The following KIAA0232 variants were observed in gnomAD, a reference collection of about 807,000 sequenced individuals.
KIAA0232 encodes uncharacterized protein KIAA0232.
Under a neutral mutation model 122.0 loss-of-function variants are expected in KIAA0232, and 27 were observed. The ratio of observed to expected loss-of-function variants is 0.22; its 90% CI spans 0.16 to 0.31. The LOEUF is 0.31. Among genes scored for constraint, KIAA0232 ranks in the 10% least tolerant of loss-of-function variants. KIAA0232 has a pLI of 1.00. For synonymous variants in KIAA0232, 613 were observed against 587.6 expected, an observed-to-expected ratio of 1.04 and a Z score of -0.63; for missense variants, 1,551 against 1,634.2, an observed-to-expected ratio of 0.95 and a Z score of 0.88.
intron 3 of KIAA0232, among the ~76,000 whole-genome samples, chr4:6,838,483 G>A (rs1719468056): frequency 6.6e-6 from 1 of 152,078 alleles, no homozygotes; most frequent in African/African-American, 2.4e-5. Context: ...GCCACCATAT[G>A]CCCCACCTAA....
At chr4:6,826,963 T>C (rs939606897) in intron 3 of KIAA0232, among the ~76,000 whole-genome samples, 12 of 152,148 alleles carry the variant, frequency 7.9e-5, no homozygotes, top group Non-Finnish European at 1.2e-4. Context: ...TAAGATGAAC[T>C]ATCAGTATCT....
intron 2 of KIAA0232, among the ~76,000 whole-genome samples, chr4:6,816,878 G>C (rs1416557710): frequency 1.3e-5 from 2 of 151,950 alleles, no homozygotes; most frequent in Non-Finnish European, 2.9e-5. Flanking sequence ...GAATTTATTG[G>C]TATAAAGTTT....
chr4:6,866,344 A>T, intron 7 of KIAA0232: 1 of 397,370 alleles, frequency 2.5e-6, no homozygotes, highest in Non-Finnish European at 3.4e-6. Context: ...CCCAGAGGAC[A>T]TTTTGGGATT....
At position 6,829,511 on chromosome 4, in the gene KIAA0232, C is replaced by G. The variant is rs566999285; in HGVS notation, c.231+4827C>G. Among the ~76,000 whole-genome samples, 6 of 152,314 alleles carry G rather than the reference C, an allele frequency of 3.9e-5. No individual in the cohort carries two copies. In the South Asian group the frequency reaches 1.2e-3, roughly 32 times the overall value. On this transcript the variant is annotated intron_variant, in intron 3 of 9. Transcript: ENST00000307659. ...CCTTCCATCTTTTAAAAATCAGTAG[C>G]CTGGTCACATAAGGAACATCACAGC...
chr4:6,845,061 G>A (rs1560189101), intron 4 of KIAA0232, among the ~76,000 whole-genome samples: 1 of 152,146 alleles, frequency 6.6e-6, no homozygotes, highest in East Asian at 1.9e-4. Context: ...CCAAACTCTG[G>A]TTTTCTCTGC....
At chr4:6,865,547 T>G (rs892462847) in intron 7 of KIAA0232, among the ~76,000 whole-genome samples, 2 of 152,220 alleles carry the variant, frequency 1.3e-5, no homozygotes, top group African/African-American at 2.4e-5. Context: ...GTGATCCACC[T>G]GCCTTGGCCT....
In KIAA0232 at chr4:6,882,520, T is replaced by C. The variant is rs1266945636; in HGVS notation, c.*1554T>C. Reference sequence around the variant, plus strand: ...AAAGACTGTGGAGTCATTGAGGGTCTGTGTGTCCTCACCGAGAGGGACCTG... The same window carrying C: ...AAAGACTGTGGAGTCATTGAGGGTCCGTGTGTCCTCACCGAGAGGGACCTG... On this transcript the variant is annotated 3_prime_UTR_variant, in exon 10 of 10. Coordinates refer to ENST00000307659, the MANE Select transcript of KIAA0232 (RefSeq NM_014743.3). The C allele has an allele frequency of 6.6e-6, 1 of 152,182 alleles. No individual in the cohort carries two copies. The highest frequency in any genetic ancestry group is 1.5e-5 in the Non-Finnish European group (1 of 68,020). 9.4% of individuals were successfully genotyped at this position (152,182 alleles called of 1,614,324 possible).
At chr4:6,806,134 A>G (rs1234647541) in intron 2 of KIAA0232, among the ~76,000 whole-genome samples, 1 of 152,178 alleles carries the variant, frequency 6.6e-6, no homozygotes, top group Non-Finnish European at 1.5e-5. Flanking sequence ...TGCTAGGTAA[A>G]AAAGGCATTT....
At chr4:6,786,917 T>C (rs1560156761) in intron 1 of KIAA0232, among the ~76,000 whole-genome samples, 1 of 152,122 alleles carries the variant, frequency 6.6e-6, no homozygotes. Context: ...GCGCGGTGGC[T>C]CACGCCTGTA....
At chr4:6,786,995 A>G (rs1332167312) in intron 1 of KIAA0232, among the ~76,000 whole-genome samples, 1 of 152,084 alleles carries the variant, frequency 6.6e-6, no homozygotes. Context: ...ATCCTGGCCA[A>G]CATGGTGAAA....
In KIAA0232 at chr4:6,863,262, G is replaced by A. The variant is rs1289424594; in HGVS notation, c.2880G>A (p.Gln960=). ...GTCACACAAAAGGAAGTCTGTTACA[G>A]TGTGCAGCTTCTGATGTTGTGACGA... The part of the protein sequence containing the change: ...PPSHTKGSLL[Q]CAASDVVTIA... Residue 960 remains glutamine, a synonymous_variant, in exon 7 of 10, where the codon CAG becomes CAA. Transcript: ENST00000307659. 1 of 1,614,134 alleles carries A rather than the reference G, an allele frequency of 6.2e-7. No individual in the cohort carries two copies. Among genetic ancestry groups the A allele is most frequent in the South Asian group, 1.1e-5 (1 of 91,086 alleles).
intron 3 of KIAA0232, among the ~76,000 whole-genome samples, chr4:6,841,569 G>A (rs374881780): frequency 6.6e-6 from 1 of 152,218 alleles, no homozygotes; most frequent in South Asian, 2.1e-4. Context: ...TTATAAATCA[G>A]CATTAAGAGG....
At chr4:6,792,451 T>C (rs1313302215) in intron 1 of KIAA0232, among the ~76,000 whole-genome samples, 1 of 152,214 alleles carries the variant, frequency 6.6e-6, no homozygotes, top group African/African-American at 2.4e-5. Flanking sequence ...AAAATTTTCT[T>C]GGTGGCTATA....
intron 3 of KIAA0232, among the ~76,000 whole-genome samples, chr4:6,837,370 G>C (rs1560183737): frequency 6.6e-6 from 1 of 151,534 alleles, no homozygotes; most frequent in East Asian, 2.0e-4. Context: ...GCCGGGCAGA[G>C]AGGCTCCTCA....
At chr4:6,847,331 A>G (rs570414562) in intron 4 of KIAA0232, among the ~76,000 whole-genome samples, 1 of 152,186 alleles carries the variant, frequency 6.6e-6, no homozygotes, top group Non-Finnish European at 1.5e-5. Context: ...CATACTTGTG[A>G]TACTACACCG....
chr4:6,852,328 A>G (rs963375298), intron 4 of KIAA0232, among the ~76,000 whole-genome samples: 4 of 152,186 alleles, frequency 2.6e-5, no homozygotes, highest in African/African-American at 9.7e-5. Context: ...GACCCCTGGC[A>G]CATATTCTCA....
At chr4:6,841,853 C>G (rs928880394) in intron 3 of KIAA0232, among the ~76,000 whole-genome samples, 2 of 152,160 alleles carry the variant, frequency 1.3e-5, no homozygotes, top group Non-Finnish European at 1.5e-5. Context: ...GAAAACAATA[C>G]TATTAAGATG....
intron 6 of KIAA0232, among the ~76,000 whole-genome samples, chr4:6,860,081 T>G (rs1720775075): frequency 6.6e-6 from 1 of 152,208 alleles, no homozygotes; most frequent in African/African-American, 2.4e-5. Flanking sequence ...CCCACTTTAA[T>G]TGTTGTAGGC....
intron 1 of KIAA0232, among the ~76,000 whole-genome samples, chr4:6,787,947 ATTAATG>A (rs1716705353): frequency 6.6e-6 from 1 of 152,216 alleles, no homozygotes; most frequent in Admixed American, 6.5e-5. Context: ...CTGGTTGAGA[ATTAATG>A]TTAAAGAGTT....
Sources: allele counts gnomAD v4.1 joint callset (sites outside exome capture counted in the v4.1 genomes callset), GRCh38; gene constraint gnomAD v4.1.1; transcripts MANE v1.5; gene names NCBI Gene and HGNC (gene_info 2026-07-23, HGNC 2026-07-21).